NALCN: variants seen among roughly 807,000 people sequenced by gnomAD.
NALCN encodes sodium leak channel NALCN.
NALCN carries 111 observed loss-of-function variants against 225.3 expected under a neutral mutation model. The observed-to-expected ratio is 0.49, with a 90% CI of 0.42 to 0.58. The LOEUF (loss-of-function observed/expected upper bound fraction) is 0.58. NALCN is among the 20% of genes least tolerant of loss of function. The probability of loss-of-function intolerance (pLI) is 0.00; values close to 1 mark genes in which losing one functional copy is unlikely to be tolerated. For missense variants in NALCN, 1,378 were observed against 2,202.4 expected (o/e 0.63, Z 7.49); for synonymous variants, 764 against 769.0 (o/e 0.99, Z 0.11).
At chr13:101,226,540 A>C (rs1001352228) in intron 13 of NALCN, among the ~76,000 whole-genome samples, 1 of 152,138 alleles carries the variant, frequency 6.6e-6, no homozygotes, top group African/African-American at 2.4e-5. Flanking sequence ...TTATTTACCC[A>C]GTGAAGGGGC....
chr13:101,091,726 A>G (rs1314261725), intron 28 of NALCN, among the ~76,000 whole-genome samples: 1 of 152,188 alleles, frequency 6.6e-6, no homozygotes, highest in African/African-American at 2.4e-5. Flanking sequence ...ATTTTTTACA[A>G]GCAAGTGAAC....
At chr13:101,313,007 G>C (rs2044407719) in intron 7 of NALCN, among the ~76,000 whole-genome samples, 1 of 152,104 alleles carries the variant, frequency 6.6e-6, no homozygotes, top group African/African-American at 2.4e-5. Flanking sequence ...GAACAGAACA[G>C]AGCCCTCAGA....
intron 6 of NALCN, among the ~76,000 whole-genome samples, chr13:101,361,119 T>C (rs1281349381): frequency 6.6e-6 from 1 of 152,194 alleles, no homozygotes; most frequent in African/African-American, 2.4e-5. Context: ...GCCAGGTGAT[T>C]TTCTTTACCA....
At chr13:101,306,125 C>T (rs1239321533) in intron 7 of NALCN, among the ~76,000 whole-genome samples, 4 of 152,084 alleles carry the variant, frequency 2.6e-5, no homozygotes, top group African/African-American at 9.7e-5. Flanking sequence ...GATTAATTTC[C>T]ATGAATGGTG....
intron 7 of NALCN, among the ~76,000 whole-genome samples, chr13:101,307,177 A>G (rs1345302354): frequency 6.6e-6 from 1 of 152,120 alleles, no homozygotes; most frequent in African/African-American, 2.4e-5. Context: ...TCGCTTGGAG[A>G]AAAACCTCAT....
chr13:101,346,762 C>T (rs74117877), intron 6 of NALCN, among the ~76,000 whole-genome samples: 2,099 of 152,254 alleles, frequency 0.014, 44 homozygotes, highest in African/African-American at 0.047. Context: ...TGTAGACTCT[C>T]ATTCTGGGTT....
At chr13:101,218,326 G>A (rs1218984054) in intron 13 of NALCN, among the ~76,000 whole-genome samples, 1 of 152,112 alleles carries the variant, frequency 6.6e-6, no homozygotes, top group African/African-American at 2.4e-5. Context: ...TAAAACAACA[G>A]AAATGTATTG....
At chr13:101,312,047 T>G (rs1215971309) in intron 7 of NALCN, among the ~76,000 whole-genome samples, 1 of 152,198 alleles carries the variant, frequency 6.6e-6, no homozygotes, top group Non-Finnish European at 1.5e-5. Flanking sequence ...AGCCTGTTAT[T>G]GGTCTATTCA....
At chr13:101,374,835 G>A (rs1260060492) in intron 6 of NALCN, among the ~76,000 whole-genome samples, 1 of 152,134 alleles carries the variant, frequency 6.6e-6, no homozygotes, top group Non-Finnish European at 1.5e-5. Context: ...TGGTGCAACA[G>A]CAAACAACTA....
Position 101,089,597 on chromosome 13 carries a change from CAA to C in NALCN, c.3489+64_3489+65del. The C allele has an allele frequency of 6.9e-7, 1 of 1,452,040 alleles. No homozygotes were observed. Among genetic ancestry groups the C allele is most frequent in the South Asian group, 1.2e-5 (1 of 84,848 alleles). The allele number at this position is 1,452,040 out of a possible 1,614,324, so 89.9% of individuals were successfully genotyped here. ...GCTTCACGCCGCGTGTGAAAAGAAA[CAA>C]ATAGCTCAAAGTGAGTGGCTAGAAA... On this transcript the variant is annotated intron_variant, in intron 30 of 43. Coordinates refer to ENST00000251127, the MANE Select transcript of NALCN (RefSeq NM_052867.4). This position sits in a 1 kb window ranked among gnomAD's most constrained non-coding sequence, Gnocchi z 4.7.
chr13:101,122,301 C>A (rs935207604), intron 18 of NALCN, among the ~76,000 whole-genome samples: 2 of 152,072 alleles, frequency 1.3e-5, no homozygotes, highest in Non-Finnish European at 2.9e-5. Flanking sequence ...TTAAAAAATT[C>A]TAAGGTTTTT....
At chr13:101,205,894 A>C (rs1566429087) in intron 13 of NALCN, among the ~76,000 whole-genome samples, 1 of 152,148 alleles carries the variant, frequency 6.6e-6, no homozygotes, top group East Asian at 1.9e-4. Context: ...GATTAATTAA[A>C]AATATTTCCG....
chr13:101,291,126 A>T (rs185242360), intron 9 of NALCN, among the ~76,000 whole-genome samples: 161 of 152,316 alleles, frequency 1.1e-3, no homozygotes, highest in African/African-American at 3.8e-3. Context: ...TATGGAAACA[A>T]TATTGCTATG....
At chr13:101,223,555 TCAAA>T (rs1292200705) in intron 13 of NALCN, among the ~76,000 whole-genome samples, 2 of 152,142 alleles carry the variant, frequency 1.3e-5, no homozygotes, top group Non-Finnish European at 2.9e-5. Context: ...CTCAGATTAC[TCAAA>T]CACTTTCACA....
At chr13:101,117,178 G>A (rs956445193) in intron 18 of NALCN, among the ~76,000 whole-genome samples, 1 of 152,080 alleles carries the variant, frequency 6.6e-6, no homozygotes, top group Non-Finnish European at 1.5e-5. Context: ...TAAATACATG[G>A]GCGACCAGAA....
chr13:101,290,507 G>C (rs148654979), intron 9 of NALCN, among the ~76,000 whole-genome samples: 1 of 152,140 alleles, frequency 6.6e-6, no homozygotes. Context: ...TTTCTTGAAG[G>C]CTTTTCTACA....
At chr13:101,145,001 A>T (rs1197255030) in intron 15 of NALCN, 105 bp from the exon 16 acceptor site, 1 of 1,264,718 alleles carries the variant, frequency 7.9e-7, no homozygotes, top group African/African-American at 1.5e-5. Context: ...ATTACATGAA[A>T]TGCCAGTAGA....
At chr13:101,229,052 T>C (rs1333017664) in intron 13 of NALCN, among the ~76,000 whole-genome samples, 1 of 152,206 alleles carries the variant, frequency 6.6e-6, no homozygotes, top group Non-Finnish European at 1.5e-5. Flanking sequence ...ATTAAAAATA[T>C]GTTAACTCTC....
At chr13:101,313,081 A>C (rs1205494133) in intron 7 of NALCN, among the ~76,000 whole-genome samples, 1 of 152,196 alleles carries the variant, frequency 6.6e-6, no homozygotes, top group Non-Finnish European at 1.5e-5. Context: ...AGAAATGGGG[A>C]AAGGATTCCC....
Sources: allele counts gnomAD v4.1 joint callset (sites outside exome capture counted in the v4.1 genomes callset), GRCh38; gene constraint gnomAD v4.1.1; non-coding constraint Gnocchi (gnomAD v3.1); transcripts MANE v1.5; gene names NCBI Gene and HGNC (gene_info 2026-07-23, HGNC 2026-07-21).